The following SH3BGRL2 variants were observed in gnomAD, a reference collection of about 807,000 sequenced individuals.
SH3BGRL2 encodes the protein SH3 domain-binding glutamic acid-rich-like protein 2.
In SH3BGRL2, 21 loss-of-function variants were observed where a neutral mutation model predicts 14.8. The observed-to-expected ratio is 1.42, with a 90% CI of 1.01 to 2.05. SH3BGRL2 has a LOEUF of 2.05. SH3BGRL2 is among the 30% of genes most tolerant of loss of function. SH3BGRL2 has a pLI of 0.00. For missense variants in SH3BGRL2, 147 were observed against 130.8 expected, an observed-to-expected ratio of 1.12 and a Z score of -0.61; for synonymous variants, 50 against 47.8, an observed-to-expected ratio of 1.05 and a Z score of -0.19.
chr6:79,544,115 A>T, the SH3BGRL2 span, among the ~76,000 whole-genome samples: 37 of 152,294 alleles, frequency 2.4e-4, no homozygotes, highest in African/African-American at 8.7e-4. Context: ...GGGCCAATAA[A>T]GCCCCTTCCT....
the SH3BGRL2 span, among the ~76,000 whole-genome samples, chr6:79,568,171 A>T: frequency 8.1e-4 from 124 of 152,278 alleles, no homozygotes; most frequent in African/African-American, 2.8e-3. Context: ...TATTTAGTAA[A>T]CCTGAAGATG....
intron 2 of SH3BGRL2, among the ~76,000 whole-genome samples, chr6:79,683,058 AGC>A: frequency 6.6e-6 from 1 of 152,042 alleles, no homozygotes; most frequent in Non-Finnish European, 1.5e-5. Flanking sequence ...CGAGCGGGGG[AGC>A]TGGGGGAGGG....
At position 79,702,772 on chromosome 6, in the gene SH3BGRL2, T is replaced by TGGGTG. The variant is rs1356522839; in HGVS notation, c.*3275_*3279dup. ...GGATGGAGTTAAATCACTCAGCCCCTGGGTGGGGTGGGGTGGTTCAAATGG... is the reference window on the plus strand; with the variant it reads ...GGATGGAGTTAAATCACTCAGCCCCTGGGTGGGGTGGGGTGGGGTGGTTCAAATGG... On this transcript the variant is annotated 3_prime_UTR_variant, in exon 4 of 4. Transcript: ENST00000369838. The TGGGTG allele has an allele frequency of 1.3e-5, 2 of 152,234 alleles. No homozygotes were observed. The highest frequency in any genetic ancestry group is 2.4e-5 in the African/African-American group (1 of 41,434). 9.4% of individuals were successfully genotyped at this position (152,234 alleles called of 1,614,324 possible).
intron 2 of SH3BGRL2, among the ~76,000 whole-genome samples, chr6:79,676,193 T>C (rs549444718): frequency 6.6e-6 from 1 of 152,276 alleles, no homozygotes; most frequent in South Asian, 2.1e-4. Context: ...TCTCACTCTC[T>C]AGCGTGCAGA....
chr6:79,615,472 C>G, the SH3BGRL2 span, among the ~76,000 whole-genome samples: 2 of 152,130 alleles, frequency 1.3e-5, no homozygotes, highest in Non-Finnish European at 2.9e-5. Flanking sequence ...GAGGGGCACC[C>G]AGAAGCAAAT....
chr6:79,559,695 A>G, the SH3BGRL2 span, among the ~76,000 whole-genome samples: 6 of 152,234 alleles, frequency 3.9e-5, no homozygotes, highest in Admixed American at 6.5e-5. Flanking sequence ...AAATGTACTG[A>G]CGTTGATAAT....
At chr6:79,645,613 A>G (rs77067921) in intron 1 of SH3BGRL2, among the ~76,000 whole-genome samples, 5,329 of 152,274 alleles carry the variant, frequency 0.035, 314 homozygotes, top group African/African-American at 0.12. Flanking sequence ...CTTGGCATCT[A>G]TGTCTATCAA....
chr6:79,653,372 T>C lies in SH3BGRL2; in HGVS notation c.46-20242T>C, dbSNP rs1769343149. 2.0e-5 allele frequency among the ~76,000 whole-genome samples: 3 copies of C among 152,200 alleles called. No individual in the cohort carries two copies. The South Asian group carries it at 6.2e-4, about 32-fold the overall frequency. On this transcript the variant is annotated intron_variant, in intron 1 of 3. Coordinates refer to ENST00000369838, the MANE Select transcript of SH3BGRL2 (RefSeq NM_031469.4). ...TGGTTTCAGTCTTTAAATCATCTGA[T>C]TATCTCCACTTAGGAACCTTTCTAA... is the stretch of plus-strand genomic sequence containing the variant.
the SH3BGRL2 span, among the ~76,000 whole-genome samples, chr6:79,572,152 C>T: frequency 6.6e-6 from 1 of 152,118 alleles, no homozygotes; most frequent in Non-Finnish European, 1.5e-5. Context: ...CAGAATACCA[C>T]ATTGCATTTA....
At chr6:79,645,170 A>AAC (rs34579041) in intron 1 of SH3BGRL2, among the ~76,000 whole-genome samples, 20 of 151,626 alleles carry the variant, frequency 1.3e-4, no homozygotes, top group Non-Finnish European at 2.5e-4. Flanking sequence ...AAAAAAAAAA[A>AAC]TAGGTCCTGA....
At chr6:79,679,085 G>A (rs1383860937) in intron 2 of SH3BGRL2, among the ~76,000 whole-genome samples, 2 of 152,170 alleles carry the variant, frequency 1.3e-5, no homozygotes, top group Non-Finnish European at 2.9e-5. Flanking sequence ...GAGCATATGA[G>A]TGCATATATC....
chr6:79,585,814 G>C, the SH3BGRL2 span, among the ~76,000 whole-genome samples: 1 of 151,348 alleles, frequency 6.6e-6, no homozygotes, highest in Non-Finnish European at 1.5e-5. Flanking sequence ...TGTAAAGCAA[G>C]CTTGTCCGAC....
the SH3BGRL2 span, chr6:79,575,219 A>G: frequency 8.5e-5 from 13 of 152,292 alleles, no homozygotes; most frequent in South Asian, 2.7e-3. Context: ...GCTGTATAGT[A>G]GAACTTTCGA....
At chr6:79,675,440 T>C (rs1765768729) in intron 2 of SH3BGRL2, among the ~76,000 whole-genome samples, 1 of 152,210 alleles carries the variant, frequency 6.6e-6, no homozygotes, top group South Asian at 2.1e-4. Context: ...TACTATGGTA[T>C]GAGCTATTTT....
intron 2 of SH3BGRL2, among the ~76,000 whole-genome samples, chr6:79,693,113 GAA>G (rs1770259478): frequency 6.6e-6 from 1 of 151,926 alleles, no homozygotes; most frequent in Non-Finnish European, 1.5e-5. Flanking sequence ...TATTCTCTTT[GAA>G]GCAATTGTGA....
the SH3BGRL2 span, among the ~76,000 whole-genome samples, chr6:79,556,991 A>T: frequency 6.6e-6 from 1 of 151,990 alleles, no homozygotes; most frequent in Admixed American, 6.5e-5. Context: ...AAAGTCAAAC[A>T]TGTGATTTCA....
At chr6:79,683,208 A>T (rs1410923738) in intron 2 of SH3BGRL2, among the ~76,000 whole-genome samples, 1 of 152,172 alleles carries the variant, frequency 6.6e-6, no homozygotes, top group Non-Finnish European at 1.5e-5. Context: ...TTAAAAAAAA[A>T]CACTGGTATA....
At chr6:79,539,977 T>C in the SH3BGRL2 span, among the ~76,000 whole-genome samples, 1 of 152,198 alleles carries the variant, frequency 6.6e-6, no homozygotes. Context: ...AATTCAAAAA[T>C]TTTTTCTCTA....
At chr6:79,652,189 G>A (rs556751151) in intron 1 of SH3BGRL2, among the ~76,000 whole-genome samples, 1 of 152,274 alleles carries the variant, frequency 6.6e-6, no homozygotes, top group South Asian at 2.1e-4. Flanking sequence ...TTTTAGTGGA[G>A]AAGAACCTTT....
Sources: gnomAD v4.1 joint callset for allele counts (sites outside exome capture counted in the v4.1 genomes callset) on GRCh38, gnomAD v4.1.1 for gene constraint, MANE v1.5 for transcripts, NCBI Gene and HGNC (gene_info 2026-07-23, HGNC 2026-07-21) for gene names.